Variants in LAMA4 observed in about 807,000 individuals in gnomAD.
LAMA4 encodes the protein laminin subunit alpha 4.
In LAMA4, 127 loss-of-function variants were observed where a neutral mutation model predicts 207.1. The ratio of observed to expected loss-of-function variants is 0.61; its 90% confidence interval spans 0.53 to 0.71. The LOEUF is 0.71. LAMA4 is among the 30% of genes least tolerant of loss of function. LAMA4 has a pLI of 0.00. For synonymous variants in LAMA4, 761 were observed against 816.0 expected, an observed-to-expected ratio of 0.93 and a Z score of 1.15; for missense variants, 2,093 against 2,246.5, an observed-to-expected ratio of 0.93 and a Z score of 1.38.
In LAMA4 at chr6:112,207,095, A is replaced by C. The variant is rs782285103; in HGVS notation, c.348T>G (p.Gly116=). The C allele has an allele frequency of 6.2e-7, 1 of 1,613,838 alleles. No individual in the cohort carries two copies. The highest frequency in any genetic ancestry group is 8.5e-7 in the Non-Finnish European group (1 of 1,179,928). The change falls in exon 4 of 39, where the codon GGT becomes GGG. Residue 116 remains glycine (G), a synonymous_variant. Coordinates refer to ENST00000230538, the MANE Select transcript of LAMA4 (RefSeq NM_001105206.3). ...CTCCCCTGATGGAATCTCCGATATAACCATCCAGACACTTTTCACAGTGCT... is the reference window on the plus strand; with the variant it reads ...CTCCCCTGATGGAATCTCCGATATACCCATCCAGACACTTTTCACAGTGCT... The part of the protein sequence containing the change: ...TGEHCEKCLD[G]YIGDSIRGAP...
chr6:112,165,626 C>T (rs782119256), intron 12 of LAMA4, among the ~76,000 whole-genome samples: 1 of 152,170 alleles, frequency 6.6e-6, no homozygotes, highest in Non-Finnish European at 1.5e-5. Flanking sequence ...TCTATATTTG[C>T]AGTGATTGGA....
At position 112,134,621 on chromosome 6, in the gene LAMA4, AATAT is replaced by A; in HGVS notation, c.3415-16_3415-13del. On this transcript the variant is annotated splice_polypyrimidine_tract_variant and intron_variant, in intron 25 of 38. Transcript: ENST00000230538. ...TAAATGATTGAGATCTGGGAGAGAT[AATAT>A]ATAGTAAGCCTTGATTAACTATTTA... 1 of 1,589,446 alleles carries A rather than the reference AATAT, an allele frequency of 6.3e-7. No homozygotes were observed. The highest frequency in any genetic ancestry group is 8.6e-7 in the Non-Finnish European group (1 of 1,160,562).
At chr6:112,218,721 T>C (rs1784767903) in intron 2 of LAMA4, 1 of 152,244 alleles carries the variant, frequency 6.6e-6, no homozygotes, top group South Asian at 2.1e-4. Context: ...TCTGAGATTA[T>C]GACCTTGGGT....
chr6:112,176,369 A>G (rs1440363391), intron 10 of LAMA4, among the ~76,000 whole-genome samples: 1 of 152,238 alleles, frequency 6.6e-6, no homozygotes, highest in East Asian at 1.9e-4. Flanking sequence ...CATAAATGAA[A>G]TTGCGTGTCT....
rs1280036747 is a variant in LAMA4, at chr6:112,197,553, T to C, written c.503+4055A>G. 3.9e-5 allele frequency among the ~76,000 whole-genome samples: 6 copies of C among 152,252 alleles called. No individual in the cohort carries two copies. The East Asian group carries it at 5.8e-4, about 15-fold the overall frequency. On this transcript the variant is annotated intron_variant, in intron 5 of 38. Transcript: ENST00000230538. ...GCTAGGTAGAAACTCCTTATGTCTA[T>C]GGTTTTTACATGTCTTGAAAACCAA...
intron 10 of LAMA4, among the ~76,000 whole-genome samples, chr6:112,176,954 A>C (rs1377777051): frequency 5.3e-5 from 8 of 152,230 alleles, no homozygotes; most frequent in African/African-American, 1.9e-4. Context: ...GAATCAAAAC[A>C]TGGGTTATAA....
In LAMA4 at chr6:112,148,335, C is replaced by A; in HGVS notation, c.2175G>T (p.Gly725=). 2 of 1,614,152 alleles carry A rather than the reference C, an allele frequency of 1.2e-6. No individual in the cohort carries two copies. Among genetic ancestry groups the A allele is most frequent in the South Asian group, 1.1e-5 (1 of 91,082 alleles). Residue 725 remains glycine (G), a splice_region_variant and synonymous_variant, in exon 18 of 39, where the codon GGG becomes GGT. Coordinates refer to ENST00000230538, the MANE Select transcript of LAMA4 (RefSeq NM_001105206.3). ...ACTGCCCCAGGCGCTGCTGGGCATC[C>A]CCTTTACACAGAGCACAGGGTCATT... ...AVKQLQAAER[G]DAQQRLGQSR...
intron 7 of LAMA4, 77 bp downstream of exon 7, chr6:112,189,033 G>T: frequency 9.5e-7 from 1 of 1,055,184 alleles, no homozygotes; most frequent in Non-Finnish European, 1.5e-6. Flanking sequence ...GAGTGATATT[G>T]CATAGCTTTT....
intron 6 of LAMA4, among the ~76,000 whole-genome samples, chr6:112,190,947 C>CCTTCCTTTCTTTCTTT (rs1783059483): frequency 7.4e-5 from 3 of 40,472 alleles, no homozygotes; most frequent in African/African-American, 2.2e-4. Flanking sequence ...TTCTTTCTTT[C>CCTTCCTTTCTTTCTTT]CTTTCTTTCT....
Position 112,139,823 on chromosome 6 carries a change from A to G in LAMA4, c.3039T>C (p.Asn1013=). 6.2e-7 allele frequency: 1 copy of G among 1,614,054 alleles called. No homozygotes were observed. ...VGCLELATLN[N]DVISLYNFKH... ...TAAAGTTGTACAAGCTGATCACATC[A>G]TTATTCAAAGTGGCCAGTTCCAGGC... is the stretch of plus-strand genomic sequence containing the variant. Residue 1013 remains asparagine (N), a synonymous_variant, in exon 23 of 39, where the codon AAT becomes AAC. Coordinates refer to ENST00000230538, the MANE Select transcript of LAMA4 (RefSeq NM_001105206.3).
chr6:112,126,877 G>A (rs1314415819), intron 31 of LAMA4, among the ~76,000 whole-genome samples: 5 of 152,202 alleles, frequency 3.3e-5, no homozygotes, highest in Non-Finnish European at 7.3e-5. Flanking sequence ...TTCAAATGCT[G>A]TTTGTGGGAG....
intron 1 of LAMA4, 45 bp from the exon 2 acceptor site, chr6:112,254,336 C>T: frequency 1.6e-6 from 1 of 634,410 alleles, no homozygotes; most frequent in South Asian, 1.9e-5. Flanking sequence ...AGAGTTCCAG[C>T]CTCTCTCTCC....
intron 16 of LAMA4, among the ~76,000 whole-genome samples, chr6:112,153,351 A>G (rs545012168): frequency 2.0e-5 from 3 of 152,248 alleles, no homozygotes; most frequent in Non-Finnish European, 4.4e-5. Context: ...GCCACACAGT[A>G]CTAACTCCCT....
chr6:112,245,861 T>A (rs1317395859), intron 2 of LAMA4, among the ~76,000 whole-genome samples: 1 of 152,226 alleles, frequency 6.6e-6, no homozygotes, highest in Non-Finnish European at 1.5e-5. Context: ...ACTCAAATTA[T>A]ATTCACCCGT....
chr6:112,114,165 T>G lies in LAMA4; in HGVS notation c.5237A>C (p.Asp1746Ala), dbSNP rs1060500982. Residue 1746 changes from aspartate to alanine, a missense_variant, in exon 38 of 39, where the codon GAT becomes GCT. Coordinates refer to ENST00000230538, the MANE Select transcript of LAMA4 (RefSeq NM_001105206.3). ...CACATGGTTCACTTCAGAGTCCACA[T>G]CCAACTGAACCACATTAGAATCTCT... ...VIRDSNVVQL[D>A]VDSEVNHVVG... 6.2e-7 allele frequency: 1 copy of G among 1,613,598 alleles called. No homozygotes were observed.
Position 112,114,068 on chromosome 6 carries a change from A to G in LAMA4, c.5326+8T>C. 1.2e-6 allele frequency: 2 copies of G among 1,613,774 alleles called. No homozygotes were observed. Among genetic ancestry groups the G allele is most frequent in the South Asian group, 2.2e-5 (2 of 91,082 alleles). The stretch of plus-strand genomic sequence containing the variant: ...ATTGGGAACTTTTCCTTTTTAAACA[A>G]CACTTACCTGGAACACCTCCAACAA... On this transcript the variant is annotated splice_region_variant and intron_variant, in intron 38 of 38. Transcript: ENST00000230538.
intron 2 of LAMA4, among the ~76,000 whole-genome samples, chr6:112,226,039 C>T (rs1486285131): frequency 2.6e-5 from 4 of 152,136 alleles, no homozygotes; most frequent in African/African-American, 9.7e-5. Flanking sequence ...TATGCTCTGC[C>T]TCTGAAATAC....
intron 10 of LAMA4, 64 bp downstream of exon 10, chr6:112,178,057 T>C: frequency 8.8e-7 from 1 of 1,135,472 alleles, no homozygotes; most frequent in Non-Finnish European, 1.3e-6. Flanking sequence ...CCATTATGCC[T>C]ACTGATGTTA....
At chr6:112,172,874 G>T in intron 11 of LAMA4, 70 bp from the exon 12 acceptor site, 1 of 1,331,418 alleles carries the variant, frequency 7.5e-7, no homozygotes. Flanking sequence ...CCAGCATTTT[G>T]CAAAGTTGCA....
Sources: allele counts gnomAD v4.1 joint callset (sites outside exome capture counted in the v4.1 genomes callset), GRCh38; gene constraint gnomAD v4.1.1; transcripts MANE v1.5; gene names NCBI Gene and HGNC (gene_info 2026-07-23, HGNC 2026-07-21).